BRI3: variants seen among roughly 807,000 people sequenced by gnomAD.
The protein encoded by BRI3 is membrane protein BRI3.
In BRI3, 6 loss-of-function variants were observed where a neutral mutation model predicts 12.8. The ratio of observed to expected loss-of-function variants is 0.47; its 90% CI spans 0.26 to 0.93. The LOEUF (loss-of-function observed/expected upper bound fraction) is 0.93. Among genes scored for constraint, BRI3 ranks in the 40% least tolerant of loss-of-function variants. BRI3 has a pLI of 0.15. For missense variants in BRI3, 134 were observed against 171.1 expected (o/e 0.78, Z 1.21); for synonymous variants, 91 against 76.1 (o/e 1.20, Z -1.02).
chr7:98,292,323 G>C, downstream of BRI3: 1 of 353,512 alleles, frequency 2.8e-6, no homozygotes, highest in African/African-American at 2.1e-5. Context: ...CCGGGTTCAA[G>C]TGATTCTCCT....
chr7:98,289,581 G>A lies in BRI3; in HGVS notation c.246-1530G>A, dbSNP rs375751697. ...GGCTCCCCTTCCCCCCTAAGCACCA[G>A]GTCCCATCATCTATCAGACAGCCCC... On this transcript the variant is annotated intron_variant, in intron 2 of 2. Transcript: ENST00000297290. Among the ~76,000 whole-genome samples, 181 of 152,332 alleles carry A rather than the reference G, an allele frequency of 1.2e-3. 1 individual carries two copies. Among genetic ancestry groups the A allele is most frequent in the African/African-American group, 4.0e-3 (168 of 41,582 alleles).
At chr7:98,306,140 C>T (rs553904134), upstream of BRI3, among the ~76,000 whole-genome samples, 13 of 152,076 alleles carry the variant, frequency 8.5e-5, no homozygotes, top group South Asian at 4.1e-4. Context: ...AAGATAAGGA[C>T]GGAAAACACA....
intron 1 of BRI3, 79 bp downstream of exon 1, chr7:98,282,016 G>A: frequency 7.7e-7 from 1 of 1,307,116 alleles, no homozygotes; most frequent in Non-Finnish European, 9.7e-7. Context: ...CCGGAGGCGG[G>A]TGGGGCCCGC....
downstream of BRI3, chr7:98,312,283 A>G: frequency 6.3e-7 from 1 of 1,584,814 alleles, no homozygotes; most frequent in Non-Finnish European, 8.6e-7. Context: ...CCAAAAGAAG[A>G]AGACTAAAGA....
At chr7:98,281,989 G>C in intron 1 of BRI3, 52 bp downstream of exon 1, 1 of 1,288,468 alleles carries the variant, frequency 7.8e-7, no homozygotes, top group Non-Finnish European at 9.8e-7. Context: ...TGGCAAGCCC[G>C]GTCGGGGGAC....
chr7:98,311,555 TAAAAAA>T (rs561706030), downstream of BRI3, among the ~76,000 whole-genome samples: 5 of 139,934 alleles, frequency 3.6e-5, no homozygotes, highest in East Asian at 1.1e-3. Flanking sequence ...ACAAAAAAAA[TAAAAAA>T]AAAACAGTAA....
chr7:98,312,934 G>A (rs1800924726), downstream of BRI3, among the ~76,000 whole-genome samples: 1 of 152,154 alleles, frequency 6.6e-6, no homozygotes, highest in African/African-American at 2.4e-5. Context: ...CCCCCCAAGC[G>A]CTTCCAGTGA....
upstream of BRI3, among the ~76,000 whole-genome samples, chr7:98,303,104 G>T (rs1181522732): frequency 1.3e-5 from 2 of 152,216 alleles, no homozygotes; most frequent in East Asian, 3.8e-4. Context: ...CATTTTGAAT[G>T]AAGTTTCAAA....
At chr7:98,302,886 G>C (rs762767976), upstream of BRI3, among the ~76,000 whole-genome samples, 1 of 152,138 alleles carries the variant, frequency 6.6e-6, no homozygotes, top group Admixed American at 6.5e-5. Context: ...CTGGGTTCAG[G>C]CTATCCTCCC....
upstream of BRI3, among the ~76,000 whole-genome samples, chr7:98,305,704 C>G (rs1800630472): frequency 6.6e-6 from 1 of 152,164 alleles, no homozygotes; most frequent in African/African-American, 2.4e-5. Flanking sequence ...ATTACAGGCA[C>G]AAGCCACCGT....
At chr7:98,299,445 A>G (rs1308692892) in intron 1 of BRI3, among the ~76,000 whole-genome samples, 1 of 152,208 alleles carries the variant, frequency 6.6e-6, no homozygotes, top group Non-Finnish European at 1.5e-5. Flanking sequence ...GGTGTGAGCC[A>G]CCGTGCCCGG....
At chr7:98,320,040 G>A in the BRI3 span, 1 of 1,606,924 alleles carries the variant, frequency 6.2e-7, no homozygotes, top group East Asian at 2.2e-5. Context: ...TGGGGCTGGA[G>A]GAAAACCATG....
downstream of BRI3, chr7:98,291,982 T>G (rs982885493): frequency 3.9e-5 from 6 of 152,952 alleles, no homozygotes; most frequent in African/African-American, 1.4e-4. Context: ...AATTCTCATG[T>G]GGCTGCAGCC....
At chr7:98,322,669 C>T in the BRI3 span, among the ~76,000 whole-genome samples, 2 of 152,164 alleles carry the variant, frequency 1.3e-5, no homozygotes, top group African/African-American at 2.4e-5. Flanking sequence ...CATCCACCCC[C>T]AGCACTCACG....
At chr7:98,289,633 A>C (rs1457511592) in intron 2 of BRI3, among the ~76,000 whole-genome samples, 1 of 151,152 alleles carries the variant, frequency 6.6e-6, no homozygotes, top group Non-Finnish European at 1.5e-5. Flanking sequence ...CTGTCCACTC[A>C]CTCCAGCACT....
chr7:98,311,682 CAGAT>C (rs1800876718), downstream of BRI3, among the ~76,000 whole-genome samples: 1 of 151,880 alleles, frequency 6.6e-6, no homozygotes, highest in African/African-American at 2.4e-5. Context: ...CCGAGGCAGA[CAGAT>C]CACGAGGTCA....
At chr7:98,321,516 G>A in the BRI3 span, among the ~76,000 whole-genome samples, 20 of 152,126 alleles carry the variant, frequency 1.3e-4, no homozygotes, top group South Asian at 2.1e-4. Context: ...AAGCCTCACC[G>A]CCGAGGGCAG....
chr7:98,309,795 AAG>A, exon 2 of BRI3: 1 of 151,628 alleles, frequency 6.6e-6, no homozygotes, highest in East Asian at 1.9e-4. Flanking sequence ...CTGGGTGCTA[AAG>A]ACTGTGCAGA....
the BRI3 span, among the ~76,000 whole-genome samples, chr7:98,316,541 A>C: frequency 6.6e-6 from 1 of 152,164 alleles, no homozygotes; most frequent in Non-Finnish European, 1.5e-5. Flanking sequence ...CTGATAGATT[A>C]TATATTTATA....
Sources: allele counts gnomAD v4.1 joint callset (sites outside exome capture counted in the v4.1 genomes callset), GRCh38; gene constraint gnomAD v4.1.1; transcripts MANE v1.5; gene names NCBI Gene and HGNC (gene_info 2026-07-23, HGNC 2026-07-21).